KCNK4: variants seen among roughly 807,000 people sequenced by gnomAD.
KCNK4 encodes the protein potassium channel subfamily K member 4.
Under a neutral mutation model 28.8 loss-of-function variants are expected in KCNK4, and 22 were observed. The ratio of observed to expected loss-of-function variants is 0.76; its 90% confidence interval spans 0.55 to 1.09. The LOEUF (loss-of-function observed/expected upper bound fraction) is 1.09. KCNK4 is among the 50% of genes least tolerant of loss of function. The pLI is 0.00. For synonymous variants in KCNK4, 263 were observed against 252.9 expected (o/e 1.04, Z -0.38); for missense variants, 483 against 546.3 (o/e 0.88, Z 1.15).
intron 5 of KCNK4, 66 bp from the exon 6 acceptor site, chr11:64,298,044 C>T: frequency 2.6e-6 from 4 of 1,566,100 alleles, no homozygotes; most frequent in Non-Finnish European, 3.5e-6. Context: ...GAGGGGGGCA[C>T]TGAACCAGAG....
chr11:64,291,986 C>T, intron 1 of KCNK4: 4 of 1,139,790 alleles, frequency 3.5e-6, no homozygotes, highest in Non-Finnish European at 4.5e-6. Context: ...GCGGGCGCTG[C>T]GCGGTGGCCC....
rs757096170 is a variant in KCNK4 at position 64,296,922 on chromosome 11, C to A, written c.234C>A (p.Asn78Lys). 1.3e-6 allele frequency: 2 copies of A among 1,511,722 alleles called. No homozygotes were observed. The highest frequency in any genetic ancestry group is 1.8e-6 in the Non-Finnish European group (2 of 1,131,338). The allele number at this position is 1,511,722 out of a possible 1,614,324, so 93.6% of individuals were successfully genotyped here. Reference protein sequence around the residue: ...ALGGGADPETNSTSNSSHSAW... With the variant: ...ALGGGADPETKSTSNSSHSAW... ...GAGGGGGTGCGGACCCAGAAACCAA[C>A]TCGACCAGCAACAGCAGCCACTCAG... Residue 78 changes from asparagine to lysine, a missense_variant, in exon 3 of 7, where the codon AAC becomes AAA. Physicochemically the swap from Asn to Lys is moderately conservative, Grantham distance 94. Coordinates refer to ENST00000422670, the MANE Select transcript of KCNK4 (RefSeq NM_033310.3).
At chr11:64,291,718 G>A (rs1565367168) in intron 1 of KCNK4, 152 bp downstream of exon 1, 1 of 151,778 alleles carries the variant, frequency 6.6e-6, no homozygotes, top group Admixed American at 6.6e-5. Flanking sequence ...CCGCCTCCGC[G>A]GCCCAGTCGG....
rs750039124 is a variant in KCNK4 at position 64,298,067 on chromosome 11, C to T, written c.662-43C>T. 5.0e-6 allele frequency: 8 copies of T among 1,600,836 alleles called. No individual in the cohort carries two copies. In the South Asian group the frequency reaches 9.0e-5, roughly 18 times the overall value. On this transcript the variant is annotated intron_variant, in intron 5 of 6. Coordinates refer to ENST00000422670, the MANE Select transcript of KCNK4 (RefSeq NM_033310.3). ...CACTGAACCAGAGCTCACAGGCTTG[C>T]CCCACAATCCAATTCTTTCTACCTT...
intron 6 of KCNK4, among the ~76,000 whole-genome samples, chr11:64,298,455 C>G (rs1032060591): frequency 6.6e-6 from 1 of 152,148 alleles, no homozygotes; most frequent in Admixed American, 6.5e-5. Context: ...GGTAGGATTG[C>G]CGGATTTAGC....
chr11:64,297,363 A>G (rs2034798116), intron 4 of KCNK4, 84 bp downstream of exon 4: 8 of 1,571,862 alleles, frequency 5.1e-6, no homozygotes, highest in African/African-American at 2.7e-5. Context: ...CGCGCCCCCA[A>G]AGACCATAAG....
At chr11:64,292,005 G>A in intron 1 of KCNK4, 1 of 1,187,544 alleles carries the variant, frequency 8.4e-7, no homozygotes, top group South Asian at 1.4e-5. Context: ...CCTGCTGTCT[G>A]GCGTGTGCAC....
In KCNK4 at chr11:64,297,106, C is replaced by T. The variant is rs2135231561; in HGVS notation, c.314-13C>T. On this transcript the variant is annotated splice_polypyrimidine_tract_variant and intron_variant, in intron 3 of 6. Transcript: ENST00000422670. ...GGTGGCCCCTAGACTTCCTGCATCG[C>T]CCCTCTGCCCAGGCTATGGCAATGT... 1 of 1,614,090 alleles carries T rather than the reference C, an allele frequency of 6.2e-7. No homozygotes were observed. Among genetic ancestry groups the T allele is most frequent in the Non-Finnish European group, 8.5e-7 (1 of 1,179,980 alleles).
intron 1 of KCNK4, chr11:64,292,229 G>A (rs1455636881): frequency 2.6e-6 from 1 of 386,308 alleles, no homozygotes; most frequent in Non-Finnish European, 3.5e-6. Flanking sequence ...TGTGCGCGTG[G>A]GCGCCGCCGC....
intron 2 of KCNK4, 83 bp from the exon 3 acceptor site, chr11:64,296,795 C>A: frequency 7.2e-7 from 1 of 1,392,992 alleles, no homozygotes; most frequent in Non-Finnish European, 9.4e-7. Flanking sequence ...GGGAAGGAGC[C>A]ACCCTAGAGA....
At chr11:64,297,306 C>T in intron 4 of KCNK4, 27 bp downstream of exon 4, 1 of 1,597,832 alleles carries the variant, frequency 6.3e-7, no homozygotes, top group Non-Finnish European at 8.5e-7. Context: ...CCTGCCTGCC[C>T]TTGTGCTGGG....
chr11:64,297,494 A>C lies in KCNK4; in HGVS notation c.502A>C (p.Arg168=), dbSNP rs774422426. Residue 168 remains arginine, a synonymous_variant, in exon 5 of 7, where the codon AGA becomes CGA. Transcript: ENST00000422670. ...LKWHVPPELV[R]VLSAMLFLLI... ...GTGGCACGTGCCACCGGAGCTAGTA[A>C]GAGTGCTGTCGGCGATGCTTTTCCT... The C allele has an allele frequency of 1.1e-5, 17 of 1,614,102 alleles. No homozygotes were observed. Among genetic ancestry groups the C allele is most frequent in the Non-Finnish European group, 1.4e-5 (16 of 1,179,996 alleles).
Position 64,299,632 on chromosome 11 carries a change from G to C in KCNK4, c.1088G>C (p.Arg363Pro). Residue 363 changes from arginine (R) to proline (P), a missense_variant, in exon 7 of 7, where the codon CGC becomes CCC. Arg to Pro is a moderately radical substitution (Grantham distance 103, BLOSUM62 -2). Coordinates refer to ENST00000422670, the MANE Select transcript of KCNK4 (RefSeq NM_033310.3). ...AGCGAGCGCGGCTGCCCGCTGCCCC[G>C]CGCGCCGAGAGGTCGCCGCCGCCCA... ...TQSERGCPLP[R>P]APRGRRRPNP... The C allele has an allele frequency of 1.2e-6, 2 of 1,607,240 alleles. No individual in the cohort carries two copies. Among genetic ancestry groups the C allele is most frequent in the Non-Finnish European group, 1.7e-6 (2 of 1,177,558 alleles).
rs2034674530 is a variant in KCNK4, at chr11:64,292,989, A to T, written c.-30A>T. ...CCCCGCCCGGCCCCTCCAGGCGGGC[A>T]GTGGAGCTGGCCCGGCGCCTGGGCG... is the stretch of plus-strand genomic sequence containing the variant. On this transcript the variant is annotated 5_prime_UTR_variant, in exon 2 of 7. Coordinates refer to ENST00000422670, the MANE Select transcript of KCNK4 (RefSeq NM_033310.3). The T allele has an allele frequency of 2.6e-6, 4 of 1,521,644 alleles. No homozygotes were observed. Among genetic ancestry groups the T allele is most frequent in the Middle Eastern group, 4.6e-4 (2 of 4,332 alleles). 94.3% of individuals were successfully genotyped at this position (1,521,644 alleles called of 1,614,324 possible).
At chr11:64,293,761 C>A (rs1248064356) in intron 2 of KCNK4, among the ~76,000 whole-genome samples, 2 of 151,970 alleles carry the variant, frequency 1.3e-5, no homozygotes, top group African/African-American at 4.8e-5. Context: ...TCACCACACC[C>A]GGCTAAATTT....
Position 64,298,103 on chromosome 11 carries a change from A to G in KCNK4, c.662-7A>G, listed in dbSNP as rs1385738069. On this transcript the variant is annotated splice_region_variant and splice_polypyrimidine_tract_variant and intron_variant, in intron 5 of 6. Transcript: ENST00000422670. The stretch of plus-strand genomic sequence containing the variant: ...AATTCTTTCTACCTTCCCTGGTGGT[A>G]TCCCAGGCGCGGACCCCAGGCAGGA... The G allele has an allele frequency of 6.2e-7, 1 of 1,612,908 alleles. No homozygotes were observed. The highest frequency in any genetic ancestry group is 2.2e-5 in the East Asian group (1 of 44,872).
chr11:64,295,841 G>A (rs2034752142), intron 2 of KCNK4, among the ~76,000 whole-genome samples: 1 of 152,016 alleles, frequency 6.6e-6, no homozygotes, highest in Non-Finnish European at 1.5e-5. Context: ...CAGTCAGGGG[G>A]CGAAGAGGTG....
Position 64,297,662 on chromosome 11 carries a change from G to A in KCNK4, c.661+9G>A, listed in dbSNP as rs772035335. 10 of 1,606,274 alleles carry A rather than the reference G, an allele frequency of 6.2e-6. No individual in the cohort carries two copies. The highest frequency in any genetic ancestry group is 1.3e-5 in the African/African-American group (1 of 74,696). The stretch of plus-strand genomic sequence containing the variant: ...TGGCGACTATGTGGCCGGTGAGGCC[G>A]CCCTTCTTGTGCTGCACTTTCCCAT... On this transcript the variant is annotated intron_variant, in intron 5 of 6. Transcript: ENST00000422670.
rs1469998649 is a variant in KCNK4 at position 64,297,529 on chromosome 11, C to T, written c.537C>T (p.Gly179=). 6.2e-7 allele frequency: 1 copy of T among 1,614,182 alleles called. No homozygotes were observed. The highest frequency in any genetic ancestry group is 8.5e-7 in the Non-Finnish European group (1 of 1,180,030). Reference sequence around the variant, plus strand: ...CGGCGATGCTTTTCCTGCTGATCGGCTGCCTGCTCTTTGTCCTCACGCCCA... The same window carrying T: ...CGGCGATGCTTTTCCTGCTGATCGGTTGCCTGCTCTTTGTCCTCACGCCCA... ...VLSAMLFLLI[G]CLLFVLTPTF... The change falls in exon 5 of 7, where the codon GGC becomes GGT. Residue 179 remains glycine, a synonymous_variant. Transcript: ENST00000422670.
Sources: gnomAD v4.1 joint callset for allele counts (sites outside exome capture counted in the v4.1 genomes callset) on GRCh38, gnomAD v4.1.1 for gene constraint, MANE v1.5 for transcripts, NCBI Gene and HGNC (gene_info 2026-07-23, HGNC 2026-07-21) for gene names.